CDH8: variants seen among roughly 807,000 people sequenced by gnomAD.
CDH8 encodes cadherin-8.
Under a neutral mutation model 68.1 loss-of-function variants are expected in CDH8, and 17 were observed. That is an observed-to-expected ratio of 0.25 (90% CI 0.17 to 0.37). CDH8 has a LOEUF of 0.37. Among genes scored for constraint, CDH8 ranks in the 10% least tolerant of loss-of-function variants. The pLI, the probability that CDH8 is intolerant of heterozygous loss-of-function variation, is 1.00. For synonymous variants in CDH8, 372 were observed against 365.1 expected (o/e 1.02, Z -0.21); for missense variants, 763 against 999.3 (o/e 0.76, Z 3.19).
Position 62,032,707 on chromosome 16 carries a change from G to A in CDH8, c.-200+3373C>T, listed in dbSNP as rs183522808. ...TGATTTGCCAGACACAAAAGTTTGC[G>A]GATGGACCAGAAAAGTGTGGTTGGA... On this transcript the variant is annotated intron_variant, in intron 1 of 11. Transcript: ENST00000577390. Among the ~76,000 whole-genome samples, 20 of 152,200 alleles carry A rather than the reference G, an allele frequency of 1.3e-4. No individual in the cohort carries two copies. The East Asian group carries it at 1.7e-3, about 13-fold the overall frequency.
At chr16:61,927,536 G>A (rs1964474058) in intron 2 of CDH8, among the ~76,000 whole-genome samples, 1 of 152,092 alleles carries the variant, frequency 6.6e-6, no homozygotes, top group African/African-American at 2.4e-5. Context: ...ATGCCTCCTA[G>A]ACAAATATCA....
At chr16:61,835,781 A>G (rs187871640) in intron 4 of CDH8, among the ~76,000 whole-genome samples, 1 of 152,106 alleles carries the variant, frequency 6.6e-6, no homozygotes, top group East Asian at 1.9e-4. Flanking sequence ...GGTTTAAAAA[A>G]GCAAAGTGAA....
At chr16:61,943,879 T>G (rs1039031274) in intron 2 of CDH8, among the ~76,000 whole-genome samples, 1 of 151,896 alleles carries the variant, frequency 6.6e-6, no homozygotes, top group African/African-American at 2.4e-5. Context: ...AAGAGTTAGG[T>G]GAGAACTGAG....
chr16:61,743,873 T>G (rs1959946136), intron 8 of CDH8, among the ~76,000 whole-genome samples: 1 of 152,172 alleles, frequency 6.6e-6, no homozygotes, highest in Non-Finnish European at 1.5e-5. Context: ...TTTTTAAATG[T>G]GTTAATTTCT....
intron 2 of CDH8, among the ~76,000 whole-genome samples, chr16:61,990,853 AAGGG>A (rs529148061): frequency 5.5e-4 from 77 of 141,216 alleles, no homozygotes; most frequent in Admixed American, 1.4e-3. Flanking sequence ...AGATGGAACG[AAGGG>A]AGGGAGGGAG....
chr16:61,661,297 C>T (rs555290019), intron 10 of CDH8, among the ~76,000 whole-genome samples: 180 of 151,922 alleles, frequency 1.2e-3, no homozygotes, highest in African/African-American at 4.2e-3. Flanking sequence ...AATAAATATT[C>T]TTGTTAAGTG....
At chr16:62,001,142 A>G (rs567852188) in intron 2 of CDH8, among the ~76,000 whole-genome samples, 5 of 152,290 alleles carry the variant, frequency 3.3e-5, no homozygotes, top group Middle Eastern at 3.4e-3. Flanking sequence ...AAATTCAGAA[A>G]CGTGATTCTG....
chr16:61,783,667 A>C lies in CDH8; in HGVS notation c.1414+5679T>G, dbSNP rs1210085425. 1.0e-4 allele frequency among the ~76,000 whole-genome samples: 15 copies of C among 150,714 alleles called. No homozygotes were observed. In the East Asian group the frequency reaches 2.8e-3, roughly 28 times the overall value. On this transcript the variant is annotated intron_variant, in intron 8 of 11. Transcript: ENST00000577390. ...CACCAAAGTTGAAATGAAGGAAAAA[A>C]TGTTAAGGGCAGCCAGAGAGAAAGG...
Position 61,676,583 on chromosome 16 carries a change from G to A in CDH8, c.1655-20862C>T, listed in dbSNP as rs918815669. ...GATTCATTCATGATCAAATTTTTCA[G>A]CAAACTATGAATAGAAGGGGATTTC... On this transcript the variant is annotated intron_variant, in intron 10 of 11. Transcript: ENST00000577390. 3.3e-5 allele frequency among the ~76,000 whole-genome samples: 5 copies of A among 151,938 alleles called. No homozygotes were observed. The East Asian group carries it at 9.7e-4, about 29-fold the overall frequency.
intron 3 of CDH8, among the ~76,000 whole-genome samples, chr16:61,885,796 G>A (rs927808541): frequency 6.6e-6 from 1 of 151,392 alleles, no homozygotes; most frequent in South Asian, 2.1e-4. Flanking sequence ...ATAAAGACAT[G>A]CTCGGGAAAG....
At chr16:61,873,738 C>G (rs1420984409) in intron 3 of CDH8, among the ~76,000 whole-genome samples, 2 of 152,090 alleles carry the variant, frequency 1.3e-5, no homozygotes, top group African/African-American at 4.8e-5. Context: ...GCCAGTCATG[C>G]CATTGTGAAG....
At chr16:61,906,801 A>G (rs767577442) in intron 2 of CDH8, among the ~76,000 whole-genome samples, 5 of 152,202 alleles carry the variant, frequency 3.3e-5, no homozygotes, top group Non-Finnish European at 5.9e-5. Flanking sequence ...AATTATTCCC[A>G]GGGCCCTAAA....
intron 1 of CDH8, among the ~76,000 whole-genome samples, chr16:62,024,766 G>A (rs1384896341): frequency 6.6e-6 from 1 of 152,176 alleles, no homozygotes; most frequent in Non-Finnish European, 1.5e-5. Flanking sequence ...TCAAAACTGA[G>A]GCAGAGAATA....
At chr16:61,696,733 T>C (rs563280266) in intron 10 of CDH8, among the ~76,000 whole-genome samples, 4 of 152,286 alleles carry the variant, frequency 2.6e-5, no homozygotes, top group African/African-American at 9.6e-5. Context: ...AATATGGTAA[T>C]ATATACCATG....
At chr16:61,944,515 A>C (rs904835499) in intron 2 of CDH8, among the ~76,000 whole-genome samples, 4 of 152,198 alleles carry the variant, frequency 2.6e-5, no homozygotes, top group African/African-American at 4.8e-5. Context: ...AAATTATTTA[A>C]GCTTTCACCT....
intron 8 of CDH8, among the ~76,000 whole-genome samples, chr16:61,740,065 G>A (rs971260947): frequency 2.6e-5 from 4 of 151,156 alleles, no homozygotes; most frequent in Non-Finnish European, 4.4e-5. Context: ...ATGCCACCAC[G>A]CCCGGCTAAT....
At chr16:62,022,740 G>A (rs1441075357) in intron 1 of CDH8, among the ~76,000 whole-genome samples, 3 of 152,108 alleles carry the variant, frequency 2.0e-5, no homozygotes, top group Non-Finnish European at 4.4e-5. Context: ...AAGAAAGCTA[G>A]AAAGTCATTA....
chr16:61,997,023 ATG>A (rs1054755316), intron 2 of CDH8, among the ~76,000 whole-genome samples: 2 of 150,838 alleles, frequency 1.3e-5, no homozygotes. Context: ...GTGTGTGTGT[ATG>A]TGTGTGTTTA....
At chr16:62,011,610 A>G (rs1173465192) in intron 2 of CDH8, among the ~76,000 whole-genome samples, 1 of 152,178 alleles carries the variant, frequency 6.6e-6, no homozygotes. Flanking sequence ...TGATTTCCCA[A>G]AAACTAAATG....
Sources: gnomAD v4.1 joint callset for allele counts (sites outside exome capture counted in the v4.1 genomes callset) on GRCh38, gnomAD v4.1.1 for gene constraint, MANE v1.5 for transcripts, NCBI Gene and HGNC (gene_info 2026-07-23, HGNC 2026-07-21) for gene names.